BBS1: variants seen among roughly 807,000 people sequenced by gnomAD.
BBS1 encodes the protein BBSome complex member BBS1.
In BBS1, 60 loss-of-function variants were observed where a neutral mutation model predicts 73.9. The observed-to-expected ratio is 0.81, with a 90% CI of 0.66 to 1.01. The LOEUF is 1.01. BBS1 is among the 50% of genes least tolerant of loss of function. The probability of loss-of-function intolerance (pLI) is 0.00; values close to 1 mark genes in which losing one functional copy is unlikely to be tolerated. For missense variants in BBS1, 718 were observed against 770.3 expected (o/e 0.93, Z 0.80); for synonymous variants, 283 against 317.4 (o/e 0.89, Z 1.15).
At chr11:66,530,120 G>A (rs1256238768) in intron 14 of BBS1, among the ~76,000 whole-genome samples, 168 bp downstream of exon 14, 1 of 152,122 alleles carries the variant, frequency 6.6e-6, no homozygotes, top group East Asian at 1.9e-4. Flanking sequence ...GTCCTCCTTT[G>A]TGAGAGCAGC....
At chr11:66,511,311 T>TTC (rs1565280453) in intron 3 of BBS1, 72 bp downstream of exon 3, 162 of 1,554,082 alleles carry the variant, frequency 1.0e-4, no homozygotes, top group Non-Finnish European at 1.4e-4. Context: ...TCCTGACGGC[T>TTC]GAAAATAGGC....
chr11:66,526,296 G>T, intron 12 of BBS1, 104 bp downstream of exon 12: 1 of 1,220,728 alleles, frequency 8.2e-7, no homozygotes, highest in African/African-American at 1.5e-5. Context: ...GGGTGGACCT[G>T]GGTGTGGAAA....
Position 66,519,692 on chromosome 11 carries a change from A to G in BBS1, c.667A>G (p.Thr223Ala), listed in dbSNP as rs769564460. The change falls in exon 8 of 17, where the codon ACC (threonine) becomes GCC (alanine). Residue 223 changes from threonine (T) to alanine (A), a missense_variant. Physicochemically the swap from Thr to Ala is moderately conservative, Grantham distance 58 (BLOSUM62 0). Transcript: ENST00000318312. Reference sequence around the variant, plus strand: ...TGCTGTGTCTTGCCTGGTGCTGGGCACCGAGAACAAGGAGCTCCTGGTGCT... The same window carrying G: ...TGCTGTGTCTTGCCTGGTGCTGGGCGCCGAGAACAAGGAGCTCCTGGTGCT... ...EDAVSCLVLG[T>A]ENKELLVLDP... is the part of the protein sequence containing the mutation. 2.5e-6 allele frequency: 4 copies of G among 1,613,860 alleles called. No homozygotes were observed. The highest frequency in any genetic ancestry group is 3.4e-6 in the Non-Finnish European group (4 of 1,179,984).
At chr11:66,531,782 C>G (rs1342608101) in intron 16 of BBS1, 40 bp downstream of exon 16, 1 of 1,613,798 alleles carries the variant, frequency 6.2e-7, no homozygotes, top group Admixed American at 1.7e-5. Flanking sequence ...GTGAGCAGGA[C>G]CCTGGGGAGG....
intron 9 of BBS1, 124 bp downstream of exon 9, chr11:66,521,500 C>T (rs1246518507): frequency 2.5e-6 from 2 of 787,706 alleles, no homozygotes; most frequent in Non-Finnish European, 4.3e-6. Flanking sequence ...CTGAGAACTT[C>T]ATAAAGGAGG....
rs1855933877 is a variant in BBS1, at chr11:66,511,105, C to A, written c.124+16C>A. On this transcript the variant is annotated intron_variant, in intron 2 of 16. Transcript: ENST00000318312. ...GCCTGCCTAGGTGAGTCTCTGGAAC[C>A]AGGAACCCTGGGTTCTAGTGGGATG... 6.2e-7 allele frequency: 1 copy of A among 1,614,058 alleles called. No individual in the cohort carries two copies. Among genetic ancestry groups the A allele is most frequent in the East Asian group, 2.2e-5 (1 of 44,874 alleles).
rs117854793 is a variant in BBS1 at position 66,525,376 on chromosome 11, C to A, written c.1111-747C>A. Among the ~76,000 whole-genome samples, 334 of 151,376 alleles carry A rather than the reference C, an allele frequency of 2.2e-3. 5 individuals carry two copies. The East Asian group carries it at 0.034, about 15-fold the overall frequency. ...TCTGTCTCAAAACAAAAAAACAAAA[C>A]AACAAAAATAAATAAATAATTACAA... On this transcript the variant is annotated intron_variant, in intron 11 of 16. Transcript: ENST00000318312.
Position 66,519,700 on chromosome 11 carries a change from C to T in BBS1, c.675C>T (p.Asn225=). ...CTTGCCTGGTGCTGGGCACCGAGAACAAGGAGCTCCTGGTGCTTGACCCCG... is the reference window on the plus strand; with the variant it reads ...CTTGCCTGGTGCTGGGCACCGAGAATAAGGAGCTCCTGGTGCTTGACCCCG... ...AVSCLVLGTE[N]KELLVLDPEA... is the part of the protein sequence containing the mutation. The change falls in exon 8 of 17, where the codon AAC becomes AAT. Residue 225 remains asparagine, a synonymous_variant. Transcript: ENST00000318312. The T allele has an allele frequency of 6.2e-7, 1 of 1,613,886 alleles. No individual in the cohort carries two copies.
chr11:66,524,056 G>C, intron 11 of BBS1, 174 bp downstream of exon 11: 1 of 903,232 alleles, frequency 1.1e-6, no homozygotes. Context: ...AAGGTGGGCA[G>C]ATCACCTGAG....
rs1430151544 is a variant in BBS1 at position 66,526,788 on chromosome 11, A to G, written c.1320A>G (p.Arg440=). Residue 440 remains arginine, a synonymous_variant, in exon 13 of 17, where the codon CGA becomes CGG. Transcript: ENST00000318312. ...KTRLYVDQTL[R]EREAGTAMHR... is the part of the protein sequence containing the mutation. The stretch of plus-strand genomic sequence containing the variant: ...GGCTTTACGTGGATCAGACACTGCG[A>G]GAGCGGGAGGCTGGCACCGGTGAGC... 38 of 1,614,118 alleles carry G rather than the reference A, an allele frequency of 2.4e-5. No individual in the cohort carries two copies. In the East Asian group the frequency reaches 8.2e-4, roughly 35 times the overall value.
At chr11:66,512,816 A>G (rs987893966) in intron 3 of BBS1, among the ~76,000 whole-genome samples, 2 of 152,026 alleles carry the variant, frequency 1.3e-5, no homozygotes, top group South Asian at 2.1e-4. Flanking sequence ...TACTAAAAAT[A>G]CAAAAATCAG....
At chr11:66,524,495 T>C (rs1245552800) in intron 11 of BBS1, among the ~76,000 whole-genome samples, 1 of 151,692 alleles carries the variant, frequency 6.6e-6, no homozygotes, top group Non-Finnish European at 1.5e-5. Context: ...GGGGGTGAGA[T>C]AAATGGGGAT....
At chr11:66,529,781 C>T in intron 13 of BBS1, 38 bp from the exon 14 acceptor site, 2 of 1,607,706 alleles carry the variant, frequency 1.2e-6, no homozygotes, top group Non-Finnish European at 1.7e-6. Flanking sequence ...CTGCCACCCC[C>T]CACCTCCACC....
intron 9 of BBS1, among the ~76,000 whole-genome samples, chr11:66,522,194 G>A (rs1856267680): frequency 6.6e-6 from 1 of 150,634 alleles, no homozygotes; most frequent in African/African-American, 2.4e-5. Context: ...TCCAGCCTGG[G>A]CACAGAGCGA....
chr11:66,521,582 C>G (rs1283742051), intron 9 of BBS1: 3 of 606,586 alleles, frequency 4.9e-6, no homozygotes, highest in Non-Finnish European at 8.9e-6. Context: ...AGAGACTAGG[C>G]TGGGTGGCTA....
At position 66,519,603 on chromosome 11, in the gene BBS1, G is replaced by A. The variant is rs777493463; in HGVS notation, c.592-14G>A. On this transcript the variant is annotated splice_polypyrimidine_tract_variant and intron_variant, in intron 7 of 16. Coordinates refer to ENST00000318312, the MANE Select transcript of BBS1 (RefSeq NM_024649.5). Reference sequence around the variant, plus strand: ...GTGGAGGTTCCCTGGGTGACCCCTGGAGTCCTTCTGTAGACAGTCATCACC... The same window carrying A: ...GTGGAGGTTCCCTGGGTGACCCCTGAAGTCCTTCTGTAGACAGTCATCACC... 2 of 1,613,600 alleles carry A rather than the reference G, an allele frequency of 1.2e-6. No homozygotes were observed. Among genetic ancestry groups the A allele is most frequent in the Non-Finnish European group, 1.7e-6 (2 of 1,179,838 alleles).
intron 4 of BBS1, among the ~76,000 whole-genome samples, chr11:66,515,051 C>T (rs1460785632): frequency 6.6e-6 from 1 of 152,072 alleles, no homozygotes; most frequent in Non-Finnish European, 1.5e-5. Flanking sequence ...CTCCTGGCCT[C>T]ATATGATCTA....
At chr11:66,531,598 A>G in intron 15 of BBS1, 58 bp from the exon 16 acceptor site, 1 of 1,610,064 alleles carries the variant, frequency 6.2e-7, no homozygotes, top group Non-Finnish European at 8.5e-7. Context: ...AATGCACTGG[A>G]ATATGCCAAA....
chr11:66,511,236 C>CA lies in BBS1; in HGVS notation c.158dup (p.Leu54AlafsTer45), dbSNP rs1313590454. 1.2e-6 allele frequency: 2 copies of CA among 1,614,054 alleles called. No homozygotes were observed. The highest frequency in any genetic ancestry group is 8.5e-7 in the Non-Finnish European group (1 of 1,180,028). ...CAGATTTACATGGGGATGGGGAATA[C>CA]AAGGTAAGCATATCACCCTAGCCAG... On this transcript the variant is annotated frameshift_variant, in exon 3 of 17. Transcript: ENST00000318312. LOFTEE classifies it high-confidence loss of function.
Sources: allele counts gnomAD v4.1 joint callset (sites outside exome capture counted in the v4.1 genomes callset), GRCh38; gene constraint gnomAD v4.1.1; transcripts MANE v1.5; gene names NCBI Gene and HGNC (gene_info 2026-07-23, HGNC 2026-07-21).